The following AKAP6 variants were observed in gnomAD, a reference collection of about 807,000 sequenced individuals.
AKAP6 encodes the protein A-kinase anchor protein 6.
Under a neutral mutation model 188.5 loss-of-function variants are expected in AKAP6, and 58 were observed. The observed-to-expected ratio is 0.31, with a 90% CI of 0.25 to 0.38. AKAP6 has a LOEUF of 0.38. Among genes scored for constraint, AKAP6 ranks in the 10% least tolerant of loss-of-function variants. AKAP6 has a pLI of 1.00. For synonymous variants in AKAP6, 989 were observed against 998.6 expected (o/e 0.99, Z 0.18); for missense variants, 2,710 against 2,740.0 (o/e 0.99, Z 0.24).
intron 12 of AKAP6, among the ~76,000 whole-genome samples, chr14:32,779,873 G>C (rs2033188220): frequency 6.6e-6 from 1 of 152,072 alleles, no homozygotes; most frequent in Non-Finnish European, 1.5e-5. Flanking sequence ...ACAATTGTTG[G>C]TGAGGGTGTA....
In AKAP6 at chr14:32,406,836, A is replaced by T. The variant is rs113366512; in HGVS notation, c.-34-26624A>T. 9.2e-5 allele frequency among the ~76,000 whole-genome samples: 14 copies of T among 152,302 alleles called. 1 individual carries two copies. The highest frequency in any genetic ancestry group is 2.9e-4 in the African/African-American group (12 of 41,570). On this transcript the variant is annotated intron_variant, in intron 1 of 13. Coordinates refer to ENST00000280979, the MANE Select transcript of AKAP6 (RefSeq NM_004274.5). The stretch of plus-strand genomic sequence containing the variant: ...CTGTTTTCATGAAATTGTCAAGCCC[A>T]TTAGTGTCTTATCCTTACAGATTTT...
At chr14:32,478,224 G>A (rs1373993088) in intron 2 of AKAP6, among the ~76,000 whole-genome samples, 1 of 152,162 alleles carries the variant, frequency 6.6e-6, no homozygotes, top group Non-Finnish European at 1.5e-5. Context: ...TTGTTGCCAA[G>A]AAGTCACACA....
intron 11 of AKAP6, among the ~76,000 whole-genome samples, chr14:32,745,457 TTCATTC>T (rs1456906651): frequency 3.1e-5 from 4 of 129,208 alleles, no homozygotes; most frequent in Non-Finnish European, 6.7e-5. Flanking sequence ...CAAATATTTA[TTCATTC>T]TCTCTCTCTC....
chr14:32,365,249 A>C (rs1447733102), intron 1 of AKAP6, among the ~76,000 whole-genome samples: 2 of 152,204 alleles, frequency 1.3e-5, no homozygotes, highest in East Asian at 3.9e-4. Flanking sequence ...TGGACAATAA[A>C]GTTACTTTAA....
chr14:32,738,956 T>A (rs2031556473), intron 11 of AKAP6, among the ~76,000 whole-genome samples: 2 of 152,146 alleles, frequency 1.3e-5, no homozygotes, highest in South Asian at 4.1e-4. Flanking sequence ...TGATTTGACC[T>A]AGAGGCCATA....
chr14:32,735,745 C>T lies in AKAP6; in HGVS notation c.3235C>T (p.Leu1079=), dbSNP rs767859144. ...RDLLSPESGS[L]VRQLEVRIKE... The stretch of plus-strand genomic sequence containing the variant: ...CCTGCTCTCTCCTGAAAGTGGAAGC[C>T]TGGTAAGGCAGCTGGAGGTCAGGAT... The change falls in exon 11 of 14, where the codon CTG becomes TTG. Residue 1079 remains leucine, a synonymous_variant. Coordinates refer to ENST00000280979, the MANE Select transcript of AKAP6 (RefSeq NM_004274.5). 3.1e-6 allele frequency: 5 copies of T among 1,613,450 alleles called. No homozygotes were observed. Among genetic ancestry groups the T allele is most frequent in the Non-Finnish European group, 4.2e-6 (5 of 1,179,754 alleles).
chr14:32,545,119 G>A, intron 3 of AKAP6, 111 bp from the exon 4 acceptor site: 1 of 983,558 alleles, frequency 1.0e-6, no homozygotes, highest in Non-Finnish European at 1.5e-6. Context: ...AAGCAATAGG[G>A]ACCAATACAT....
chr14:32,466,827 T>TTTTATATATATATATATATATATATATA (rs1555331122), intron 2 of AKAP6, among the ~76,000 whole-genome samples: 21 of 115,080 alleles, frequency 1.8e-4, no homozygotes, highest in African/African-American at 9.9e-4. Context: ...AAAAACAAGA[T>TTTTATATATATATATATATATATATATA]TATATATATA....
At chr14:32,467,185 C>T (rs1176916357) in intron 2 of AKAP6, among the ~76,000 whole-genome samples, 1 of 149,360 alleles carries the variant, frequency 6.7e-6, no homozygotes, top group Non-Finnish European at 1.5e-5. Context: ...GCACATGAAC[C>T]CCCGAACCTA....
chr14:32,509,120 CTTTTTTTTT>C (rs368423502), intron 2 of AKAP6, among the ~76,000 whole-genome samples: 8,898 of 94,934 alleles, frequency 0.094, 419 homozygotes, highest in Middle Eastern at 0.2. Flanking sequence ...TGCCCTGCCT[CTTTTTTTTT>C]TTTTTTTTTT....
At chr14:32,696,131 C>A (rs912169872) in intron 9 of AKAP6, 21 bp downstream of exon 9, 1 of 1,580,974 alleles carries the variant, frequency 6.3e-7, no homozygotes, top group Non-Finnish European at 8.5e-7. Flanking sequence ...CCCTTCCTGC[C>A]TTTACCTTGC....
At chr14:32,376,858 G>C (rs1888173036) in intron 1 of AKAP6, among the ~76,000 whole-genome samples, 1 of 151,988 alleles carries the variant, frequency 6.6e-6, no homozygotes, top group Non-Finnish European at 1.5e-5. Context: ...CATCATGACT[G>C]ACAAATTTTT....
rs2140172706 is a variant in AKAP6, at chr14:32,831,283, T to G, written c.*1478T>G. ...ACTCCTGTTAAATGCAGTTTTAAAT[T>G]TATATCGTAACACCTACTTAAGTGC... On this transcript the variant is annotated 3_prime_UTR_variant, in exon 14 of 14. Transcript: ENST00000280979. The G allele has an allele frequency of 6.6e-6, 1 of 152,296 alleles. No homozygotes were observed. The highest frequency in any genetic ancestry group is 2.1e-4 in the South Asian group (1 of 4,822). 9.4% of individuals were successfully genotyped at this position (152,296 alleles called of 1,614,324 possible).
Position 32,535,551 on chromosome 14 carries a change from C to T in AKAP6, c.325-3C>T, listed in dbSNP as rs372799135. On this transcript the variant is annotated splice_region_variant and splice_polypyrimidine_tract_variant and intron_variant, in intron 2 of 13. Coordinates refer to ENST00000280979, the MANE Select transcript of AKAP6 (RefSeq NM_004274.5). Reference sequence around the variant, plus strand: ...TCACATATGTTGCTTTTCTTTACTGCAGGACATTTGTGAAGATATTTCTGA... The same window carrying T: ...TCACATATGTTGCTTTTCTTTACTGTAGGACATTTGTGAAGATATTTCTGA... 41 of 1,610,592 alleles carry T rather than the reference C, an allele frequency of 2.5e-5. No individual in the cohort carries two copies. In the African/African-American group the frequency reaches 4.7e-4, roughly 18 times the overall value.
At position 32,823,366 on chromosome 14, in the gene AKAP6, C is replaced by A; in HGVS notation, c.5553C>A (p.Gly1851=). 1 of 1,613,796 alleles carries A rather than the reference C, an allele frequency of 6.2e-7. No individual in the cohort carries two copies. The highest frequency in any genetic ancestry group is 1.1e-5 in the South Asian group (1 of 91,076). Residue 1851 remains glycine, a synonymous_variant, in exon 13 of 14, where the codon GGC becomes GGA. Coordinates refer to ENST00000280979, the MANE Select transcript of AKAP6 (RefSeq NM_004274.5). ...TGAATATTGAGACCCTTCTAAATGG[C>A]TCTGTAAAACGTGTCTCTGAAAATA... ...DTLNIETLLN[G]SVKRVSENNG... is the part of the protein sequence containing the mutation.
rs951067308 is a variant in AKAP6 at position 32,399,105 on chromosome 14, T to G, written c.-34-34355T>G. On this transcript the variant is annotated intron_variant, in intron 1 of 13. Coordinates refer to ENST00000280979, the MANE Select transcript of AKAP6 (RefSeq NM_004274.5). ...CTGAGCTTAGGCAATTCACCCGCCT[T>G]GGCCTCCCAAAGTGCTAGGATTACA... 8.5e-5 allele frequency among the ~76,000 whole-genome samples: 13 copies of G among 152,142 alleles called. No homozygotes were observed. In the South Asian group the frequency reaches 1.5e-3, roughly 17 times the overall value.
intron 4 of AKAP6, among the ~76,000 whole-genome samples, chr14:32,558,764 A>G (rs11846766): frequency 0.072 from 10,948 of 152,210 alleles, 521 homozygotes; most frequent in African/African-American, 0.13. Flanking sequence ...TTGCTCTTCT[A>G]TGGCTCACCA....
intron 7 of AKAP6, among the ~76,000 whole-genome samples, chr14:32,650,396 TGA>T (rs1888164380): frequency 6.6e-6 from 1 of 152,096 alleles, no homozygotes; most frequent in Non-Finnish European, 1.5e-5. Context: ...GCGGATTGCT[TGA>T]GGCCAGGAGT....
intron 2 of AKAP6, among the ~76,000 whole-genome samples, chr14:32,488,046 C>A (rs1467792846): frequency 2.6e-5 from 4 of 152,206 alleles, no homozygotes; most frequent in Non-Finnish European, 1.5e-5. Context: ...CTTATCAGAG[C>A]TTGAGTGCTG....
Sources: gnomAD v4.1 joint callset for allele counts (sites outside exome capture counted in the v4.1 genomes callset) on GRCh38, gnomAD v4.1.1 for gene constraint, MANE v1.5 for transcripts, NCBI Gene and HGNC (gene_info 2026-07-23, HGNC 2026-07-21) for gene names.